The following TAFA1 variants were observed in gnomAD, a reference collection of about 807,000 sequenced individuals.
TAFA1 encodes the protein chemokine-like protein TAFA-1.
Under a neutral mutation model 18.5 loss-of-function variants are expected in TAFA1, and 4 were observed. That is an observed-to-expected ratio of 0.22 (90% confidence interval 0.11 to 0.49). The LOEUF (loss-of-function observed/expected upper bound fraction) is 0.49. Ranked by LOEUF, TAFA1 falls within the 20% of genes least tolerant of loss-of-function variation. TAFA1 has a pLI of 0.98. For missense variants in TAFA1, 147 were observed against 169.0 expected, an observed-to-expected ratio of 0.87 and a Z score of 0.72; for synonymous variants, 56 against 55.2, an observed-to-expected ratio of 1.01 and a Z score of -0.06.
chr3:68,444,835 A>AT (rs2071449910), intron 3 of TAFA1, among the ~76,000 whole-genome samples: 1 of 148,166 alleles, frequency 6.7e-6, no homozygotes, highest in East Asian at 2.0e-4. Flanking sequence ...AAATAAATAC[A>AT]GTGGATCTGG....
intron 2 of TAFA1, among the ~76,000 whole-genome samples, chr3:68,300,641 T>C (rs776818602): frequency 5.3e-5 from 8 of 152,072 alleles, no homozygotes; most frequent in Non-Finnish European, 1.0e-4. Flanking sequence ...AATTCTATGG[T>C]TTGGCTGCCT....
chr3:68,101,313 T>G (rs2065145179), intron 2 of TAFA1, among the ~76,000 whole-genome samples: 1 of 151,452 alleles, frequency 6.6e-6, no homozygotes, highest in African/African-American at 2.4e-5. Flanking sequence ...AATTTTATTA[T>G]TATTAAACTT....
At chr3:68,414,657 A>G (rs977923345) in intron 2 of TAFA1, among the ~76,000 whole-genome samples, 31 of 152,166 alleles carry the variant, frequency 2.0e-4, no homozygotes, top group African/African-American at 6.8e-4. Flanking sequence ...TTGAGCTCCA[A>G]GAGTAGCAGA....
intron 2 of TAFA1, among the ~76,000 whole-genome samples, chr3:68,286,246 A>AT (rs148492305): frequency 0.061 from 9,212 of 152,026 alleles, 439 homozygotes; most frequent in South Asian, 0.12. Flanking sequence ...ATTTAAAAAA[A>AT]TTTTTTAAAT....
intron 2 of TAFA1, among the ~76,000 whole-genome samples, chr3:68,203,327 G>A (rs1297042136): frequency 1.3e-5 from 2 of 151,568 alleles, no homozygotes; most frequent in African/African-American, 4.8e-5. Flanking sequence ...TTCTGGATCT[G>A]TGGTTTGGTG....
At chr3:68,129,133 G>T (rs1180345028) in intron 2 of TAFA1, among the ~76,000 whole-genome samples, 1 of 152,176 alleles carries the variant, frequency 6.6e-6, no homozygotes, top group Non-Finnish European at 1.5e-5. Flanking sequence ...GGGCAGGAGG[G>T]GGTTTGTTGT....
At chr3:68,528,180 A>G (rs1370124946) in intron 3 of TAFA1, among the ~76,000 whole-genome samples, 1 of 152,216 alleles carries the variant, frequency 6.6e-6, no homozygotes, top group Non-Finnish European at 1.5e-5. Flanking sequence ...AATAGTGATA[A>G]CTGCCACATG....
intron 2 of TAFA1, among the ~76,000 whole-genome samples, chr3:68,346,907 A>G (rs898099019): frequency 1.3e-5 from 2 of 152,196 alleles, no homozygotes; most frequent in African/African-American, 4.8e-5. Context: ...TGATAGAAAC[A>G]GTATCATGAC....
chr3:68,411,180 G>A (rs2070709085), intron 2 of TAFA1, among the ~76,000 whole-genome samples: 1 of 152,134 alleles, frequency 6.6e-6, no homozygotes, highest in Admixed American at 6.6e-5. Context: ...GTCATTTTAT[G>A]TCCTTATAGA....
chr3:68,374,648 C>G (rs2069773070), intron 2 of TAFA1, among the ~76,000 whole-genome samples: 1 of 152,094 alleles, frequency 6.6e-6, no homozygotes, highest in South Asian at 2.1e-4. Flanking sequence ...ATCTATAACC[C>G]CATCCCATGT....
chr3:68,324,400 C>A (rs1009949192), intron 2 of TAFA1, among the ~76,000 whole-genome samples: 6 of 152,058 alleles, frequency 3.9e-5, no homozygotes, highest in African/African-American at 1.4e-4. Context: ...GTCAGGACAG[C>A]CAAAAAGCCC....
chr3:68,029,218 C>G (rs1234436776), intron 2 of TAFA1, among the ~76,000 whole-genome samples: 1 of 152,114 alleles, frequency 6.6e-6, no homozygotes, highest in Non-Finnish European at 1.5e-5. Context: ...GGGATTAGGA[C>G]ATGGACACAT....
intron 2 of TAFA1, among the ~76,000 whole-genome samples, chr3:68,201,281 A>G (rs892052650): frequency 2.6e-5 from 4 of 151,712 alleles, no homozygotes; most frequent in African/African-American, 7.3e-5. Flanking sequence ...GTGTTATAGT[A>G]TATTCTATGA....
At chr3:68,377,259 T>C (rs2069837134) in intron 2 of TAFA1, among the ~76,000 whole-genome samples, 1 of 152,060 alleles carries the variant, frequency 6.6e-6, no homozygotes, top group African/African-American at 2.4e-5. Context: ...AAGAAGAAAG[T>C]AGGATGTGGG....
At chr3:68,382,107 C>T (rs1179690494) in intron 2 of TAFA1, among the ~76,000 whole-genome samples, 1 of 152,170 alleles carries the variant, frequency 6.6e-6, no homozygotes, top group African/African-American at 2.4e-5. Flanking sequence ...GTTGAACCAG[C>T]CTTGCATCCC....
At chr3:68,091,085 T>C (rs2065024658) in intron 2 of TAFA1, among the ~76,000 whole-genome samples, 1 of 152,206 alleles carries the variant, frequency 6.6e-6, no homozygotes, top group Non-Finnish European at 1.5e-5. Context: ...TTGTCTAATG[T>C]TGTTCTAATC....
chr3:68,380,230 G>A (rs1374626975), intron 2 of TAFA1, among the ~76,000 whole-genome samples: 3 of 151,840 alleles, frequency 2.0e-5, no homozygotes, highest in Non-Finnish European at 2.9e-5. Context: ...ATAAACATAC[G>A]CGTGCATGTG....
At chr3:68,220,744 G>A (rs1039991728) in intron 2 of TAFA1, among the ~76,000 whole-genome samples, 4 of 152,254 alleles carry the variant, frequency 2.6e-5, no homozygotes, top group Non-Finnish European at 5.9e-5. Flanking sequence ...TTGGGTCACA[G>A]TGTTCTTTGG....
intron 3 of TAFA1, among the ~76,000 whole-genome samples, chr3:68,491,869 TC>T (rs2072459813): frequency 6.6e-6 from 1 of 152,116 alleles, no homozygotes; most frequent in African/African-American, 2.4e-5. Flanking sequence ...CAAATCAGAA[TC>T]TCTGCCTGTA....
Sources: gnomAD v4.1 joint callset for allele counts (sites outside exome capture counted in the v4.1 genomes callset) on GRCh38, gnomAD v4.1.1 for gene constraint, MANE v1.5 for transcripts, NCBI Gene and HGNC (gene_info 2026-07-23, HGNC 2026-07-21) for gene names.